The following ZBTB7C variants were observed in gnomAD, a reference collection of about 807,000 sequenced individuals.
ZBTB7C encodes the protein zinc finger and BTB domain-containing protein 7C.
Under a neutral mutation model 25.7 loss-of-function variants are expected in ZBTB7C, and 8 were observed. That is an observed-to-expected ratio of 0.31 (90% CI 0.18 to 0.56). ZBTB7C has a LOEUF of 0.56. ZBTB7C is among the 20% of genes least tolerant of loss of function. The pLI, the probability that ZBTB7C is intolerant of heterozygous loss-of-function variation, is 0.91. For synonymous variants in ZBTB7C, 394 were observed against 369.0 expected (o/e 1.07, Z -0.78); for missense variants, 824 against 855.2 (o/e 0.96, Z 0.46).
chr18:48,277,767 A>T (rs1332443569), intron 2 of ZBTB7C, among the ~76,000 whole-genome samples: 3 of 152,172 alleles, frequency 2.0e-5, no homozygotes, highest in Admixed American at 1.3e-4. Flanking sequence ...TTGTAGACAA[A>T]CATAGTGGTT....
At chr18:48,381,754 G>A (rs1274172980) in intron 1 of ZBTB7C, among the ~76,000 whole-genome samples, 1 of 152,252 alleles carries the variant, frequency 6.6e-6, no homozygotes, top group East Asian at 1.9e-4. Context: ...GGAGTCAGCT[G>A]TGGCTGCTCC....
chr18:48,123,564 C>T lies in ZBTB7C; in HGVS notation c.-17+62370G>A, dbSNP rs116908998. Among the ~76,000 whole-genome samples the T allele has an allele frequency of 6.6e-3, 1,008 of 152,342 alleles. 8 individuals are homozygous for T. Among genetic ancestry groups the T allele is most frequent in the Non-Finnish European group, 0.01 (686 of 68,036 alleles). ...AGGGCTGGCATTGCTGCAGCAACTCCCTCCCTCCCCCTGCCTCTTGCAGGA... is the reference window on the plus strand; with the variant it reads ...AGGGCTGGCATTGCTGCAGCAACTCTCTCCCTCCCCCTGCCTCTTGCAGGA... On this transcript the variant is annotated intron_variant, in intron 3 of 4. Transcript: ENST00000590800.
intron 2 of ZBTB7C, among the ~76,000 whole-genome samples, chr18:48,316,969 T>C (rs2045963313): frequency 6.6e-6 from 1 of 152,190 alleles, no homozygotes; most frequent in African/African-American, 2.4e-5. Context: ...GAACTTGTCT[T>C]GCACATAGAA....
chr18:48,332,121 C>G (rs1258796853), intron 2 of ZBTB7C, among the ~76,000 whole-genome samples: 1 of 152,188 alleles, frequency 6.6e-6, no homozygotes, highest in African/African-American at 2.4e-5. Flanking sequence ...AGGATTCAAA[C>G]AAGACTCATC....
chr18:48,301,573 C>T (rs2045545863), intron 2 of ZBTB7C, among the ~76,000 whole-genome samples: 1 of 152,168 alleles, frequency 6.6e-6, no homozygotes, highest in Admixed American at 6.5e-5. Flanking sequence ...CACAAAGAAC[C>T]TCCCAGCCGA....
At chr18:48,359,487 G>A (rs2047054314) in intron 1 of ZBTB7C, among the ~76,000 whole-genome samples, 1 of 152,152 alleles carries the variant, frequency 6.6e-6, no homozygotes. Context: ...CAGGTACAAT[G>A]CCACCATGAC....
chr18:48,189,637 G>C (rs1160321253), intron 2 of ZBTB7C, among the ~76,000 whole-genome samples: 2 of 152,054 alleles, frequency 1.3e-5, no homozygotes, highest in Non-Finnish European at 2.9e-5. Flanking sequence ...ATCCTTCCAG[G>C]TGCCCCTCGC....
chr18:48,383,836 G>A (rs1002827356), intron 1 of ZBTB7C, among the ~76,000 whole-genome samples: 14 of 151,366 alleles, frequency 9.2e-5, no homozygotes, highest in East Asian at 7.8e-4. Context: ...CTCAGCACAC[G>A]GCAGAGTGTG....
intron 3 of ZBTB7C, among the ~76,000 whole-genome samples, chr18:48,121,987 C>T (rs1307372009): frequency 2.0e-5 from 3 of 152,202 alleles, no homozygotes; most frequent in African/African-American, 7.2e-5. Context: ...GGCCCAGTGA[C>T]ATGCTGCAGT....
intron 2 of ZBTB7C, among the ~76,000 whole-genome samples, chr18:48,205,835 C>T (rs1271925615): frequency 6.6e-6 from 1 of 152,066 alleles, no homozygotes; most frequent in Non-Finnish European, 1.5e-5. Context: ...GGCCATTAGT[C>T]CCTAGGCAGG....
intron 2 of ZBTB7C, among the ~76,000 whole-genome samples, chr18:48,188,488 TG>T (rs1410261343): frequency 7.9e-5 from 12 of 152,196 alleles, no homozygotes; most frequent in Non-Finnish European, 1.6e-4. Context: ...TATCTCCCAC[TG>T]GGTCCCTCCC....
intron 1 of ZBTB7C, among the ~76,000 whole-genome samples, chr18:48,359,126 CCAA>C (rs971340102): frequency 2.6e-5 from 4 of 152,148 alleles, no homozygotes; most frequent in African/African-American, 7.2e-5. Context: ...ACCCCAGCCC[CCAA>C]CAAAGGGCAC....
rs190272457 is a variant in ZBTB7C, at chr18:48,234,306, C to G, written c.-78-48311G>C. Among the ~76,000 whole-genome samples, 404 of 152,092 alleles carry G rather than the reference C, an allele frequency of 2.7e-3. 1 individual carries two copies. The highest frequency in any genetic ancestry group is 9.5e-3 in the African/African-American group (392 of 41,478). ...TTATCTTAAACTATTTTACAGCCACCTAAATACATTTTTAATTTATAATTT... is the reference window on the plus strand; with the variant it reads ...TTATCTTAAACTATTTTACAGCCACGTAAATACATTTTTAATTTATAATTT... On this transcript the variant is annotated intron_variant, in intron 2 of 4. Coordinates refer to ENST00000590800, the MANE Select transcript of ZBTB7C (RefSeq NM_001318841.2).
chr18:48,064,900 C>G (rs2037265688), intron 3 of ZBTB7C, among the ~76,000 whole-genome samples: 1 of 152,180 alleles, frequency 6.6e-6, no homozygotes, highest in Non-Finnish European at 1.5e-5. Context: ...CAACAAAGCC[C>G]ACAGAGGGCT....
chr18:48,242,323 G>A (rs2043551945), intron 2 of ZBTB7C, among the ~76,000 whole-genome samples: 1 of 152,002 alleles, frequency 6.6e-6, no homozygotes, highest in South Asian at 2.1e-4. Flanking sequence ...AGAGAAAAAG[G>A]GAATCCTCCC....
intron 3 of ZBTB7C, among the ~76,000 whole-genome samples, chr18:48,091,238 A>ATTTTTTTTTTTTTTTT (rs35051690): frequency 1.5e-5 from 1 of 64,674 alleles, no homozygotes; most frequent in Non-Finnish European, 2.7e-5. Context: ...TGCCCGGATA[A>ATTTTTTTTTTTTTTTT]TTTTTTTTTT....
At chr18:48,103,998 A>G (rs2038940946) in intron 3 of ZBTB7C, among the ~76,000 whole-genome samples, 1 of 152,152 alleles carries the variant, frequency 6.6e-6, no homozygotes, top group African/African-American at 2.4e-5. Flanking sequence ...CAAGGTGATG[A>G]ATATGTCCTA....
intron 2 of ZBTB7C, among the ~76,000 whole-genome samples, chr18:48,219,930 G>A (rs924251334): frequency 3.3e-5 from 5 of 152,180 alleles, no homozygotes; most frequent in African/African-American, 1.2e-4. Context: ...AGTGGATAAA[G>A]AGGAGGCCCC....
intron 3 of ZBTB7C, among the ~76,000 whole-genome samples, chr18:48,073,980 G>C (rs1017659604): frequency 1.3e-5 from 2 of 151,470 alleles, no homozygotes; most frequent in Non-Finnish European, 2.9e-5. Context: ...TGGGTATTCA[G>C]TCCTCATTAT....
Sources: allele counts gnomAD v4.1 joint callset (sites outside exome capture counted in the v4.1 genomes callset), GRCh38; gene constraint gnomAD v4.1.1; transcripts MANE v1.5; gene names NCBI Gene and HGNC (gene_info 2026-07-23, HGNC 2026-07-21).